DYNC2H1: variants seen among roughly 807,000 people sequenced by gnomAD.
DYNC2H1 encodes dynein cytoplasmic 2 heavy chain 1, also known as cytoplasmic dynein 2 heavy chain 1.
Under a neutral mutation model 570.0 loss-of-function variants are expected in DYNC2H1, and 410 were observed. The observed-to-expected ratio is 0.72, with a 90% CI of 0.66 to 0.78. The LOEUF is 0.78. Ranked by LOEUF, DYNC2H1 falls within the 30% of genes least tolerant of loss-of-function variation. The probability of loss-of-function intolerance (pLI) is 0.00; values close to 1 mark genes in which losing one functional copy is unlikely to be tolerated. For synonymous variants in DYNC2H1, 1,688 were observed against 1,677.6 expected (o/e 1.01, Z -0.15); for missense variants, 4,865 against 5,046.4 (o/e 0.96, Z 1.09).
chr11:103,428,206 T>C, intron 84 of DYNC2H1, among the ~76,000 whole-genome samples: 1 of 117,492 alleles, frequency 8.5e-6, no homozygotes, highest in Non-Finnish European at 1.8e-5. Flanking sequence ...TTTTTCAGAA[T>C]ATCTGAAAGA....
chr11:103,448,484 G>C (rs774819271), intron 85 of DYNC2H1, among the ~76,000 whole-genome samples: 47 of 152,008 alleles, frequency 3.1e-4, no homozygotes, highest in Non-Finnish European at 6.6e-4. Flanking sequence ...AATAAGTAAA[G>C]GTTAAAATAC....
At position 103,189,364 on chromosome 11, in the gene DYNC2H1, A is replaced by C. The variant is rs1037494738; in HGVS notation, c.7293-308A>C. ...CCTGTGTACAGACCTTATGTAACTCAAAAATGCTTTTCAAAAGTAAAATTT... is the reference window on the plus strand; with the variant it reads ...CCTGTGTACAGACCTTATGTAACTCCAAAATGCTTTTCAAAAGTAAAATTT... On this transcript the variant is annotated intron_variant, in intron 44 of 88. Coordinates refer to ENST00000375735, the MANE Select transcript of DYNC2H1 (RefSeq NM_001377.3). The surrounding 1 kb of genome is among the most constrained non-coding windows in gnomAD (Gnocchi z 4.3). 6.6e-6 allele frequency among the ~76,000 whole-genome samples: 1 copy of C among 152,150 alleles called. No homozygotes were observed. The highest frequency in any genetic ancestry group is 6.6e-5 in the Admixed American group (1 of 15,246).
At chr11:103,323,741 G>GTTAA (rs527796380) in intron 81 of DYNC2H1, 145 bp from the exon 82 acceptor site, 143 of 594,398 alleles carry the variant, frequency 2.4e-4, no homozygotes, top group Non-Finnish European at 3.5e-4. Context: ...AGATAACTGA[G>GTTAA]TTAATATCAT....
chr11:103,285,556 G>A (rs897086543), intron 73 of DYNC2H1, among the ~76,000 whole-genome samples: 5 of 150,892 alleles, frequency 3.3e-5, no homozygotes, highest in Admixed American at 6.6e-5. Flanking sequence ...CCGAGTAGCT[G>A]TGATCACAGG....
At chr11:103,142,632 G>A (rs112357153) in intron 17 of DYNC2H1, among the ~76,000 whole-genome samples, 1 of 152,170 alleles carries the variant, frequency 6.6e-6, no homozygotes, top group East Asian at 1.9e-4. Context: ...TCGCACCACT[G>A]TACTCCAGGC....
Position 103,116,680 on chromosome 11 carries a change from T to A in DYNC2H1, c.732T>A (p.Pro244=). 1.2e-6 allele frequency: 2 copies of A among 1,604,536 alleles called. No homozygotes were observed. Among genetic ancestry groups the A allele is most frequent in the Non-Finnish European group, 1.7e-6 (2 of 1,174,770 alleles). Residue 244 remains proline (P), a synonymous_variant, in exon 5 of 89, where the codon CCT becomes CCA. Transcript: ENST00000375735. ...GACAAACAGAACATGATCATTATCCTGAGTCACGAATGTTGCATCTCTTAG... is the reference window on the plus strand; with the variant it reads ...GACAAACAGAACATGATCATTATCCAGAGTCACGAATGTTGCATCTCTTAG... ...VWRQTEHDHY[P]ESRMLHLLDI...
rs1023602632 is a variant in DYNC2H1, at chr11:103,325,365, C to G, written c.12039+1375C>G. ...TAGCTTTTACATTTAAGTCTTTAAT[C>G]CATCTTGAGTTGATTTTTGTATATG... On this transcript the variant is annotated intron_variant, in intron 82 of 88. Transcript: ENST00000375735. The surrounding 1 kb of genome is among the most constrained non-coding windows in gnomAD (Gnocchi z 4.8). 1.3e-5 allele frequency among the ~76,000 whole-genome samples: 2 copies of G among 152,182 alleles called. No homozygotes were observed. The highest frequency in any genetic ancestry group is 4.8e-5 in the African/African-American group (2 of 41,442).
chr11:103,366,048 G>A lies in DYNC2H1; in HGVS notation c.12156+7689G>A, dbSNP rs185913563. Among the ~76,000 whole-genome samples the A allele has an allele frequency of 5.3e-4, 81 of 152,260 alleles. 1 individual carries two copies. The highest frequency in any genetic ancestry group is 1.0e-3 in the Admixed American group (16 of 15,290). ...GTTTAAACTTCCCTTTCTGTAAAAC[G>A]TAGTCATGGAACCAAGGATAATTGA... On this transcript the variant is annotated intron_variant, in intron 83 of 88. Transcript: ENST00000375735.
intron 76 of DYNC2H1, 48 bp from the exon 77 acceptor site, chr11:103,304,545 CAT>C (rs1204833400): frequency 6.3e-7 from 1 of 1,581,090 alleles, no homozygotes; most frequent in Non-Finnish European, 8.6e-7. Flanking sequence ...TATATTACAA[CAT>C]GTTAGCAGAT....
rs1210366126 is a variant in DYNC2H1, at chr11:103,317,378, T to C, written c.11725+758T>C. Among the ~76,000 whole-genome samples the C allele has an allele frequency of 2.6e-5, 4 of 151,952 alleles. No homozygotes were observed. The East Asian group carries it at 5.8e-4, about 22-fold the overall frequency. Reference sequence around the variant, plus strand: ...GAGTCACCTTGGATTCTTTTTTTTTTTCTCATCCTCAGACATCCAGTGCTT... The same window carrying C: ...GAGTCACCTTGGATTCTTTTTTTTTCTCTCATCCTCAGACATCCAGTGCTT... On this transcript the variant is annotated intron_variant, in intron 80 of 88. Transcript: ENST00000375735.
Position 103,204,741 on chromosome 11 carries a change from C to CAAA in DYNC2H1, c.8312-80_8312-79insAAA. On this transcript the variant is annotated intron_variant, in intron 51 of 88. Coordinates refer to ENST00000375735, the MANE Select transcript of DYNC2H1 (RefSeq NM_001377.3). This position sits in a 1 kb window ranked among gnomAD's most constrained non-coding sequence, Gnocchi z 4.1. The stretch of plus-strand genomic sequence containing the variant: ...TTTTAAGAAACAACTCCTACTATTT[C>CAAA]ATTTGAGAAAATTTTGATCTCTTTA... 6 of 1,069,882 alleles carry CAAA rather than the reference C, an allele frequency of 5.6e-6. No homozygotes were observed. In the South Asian group the frequency reaches 1.1e-4, roughly 20 times the overall value. 66.3% of individuals were successfully genotyped at this position (1,069,882 alleles called of 1,614,324 possible).
chr11:103,397,804 A>G (rs1044724668), intron 83 of DYNC2H1, among the ~76,000 whole-genome samples: 1 of 152,198 alleles, frequency 6.6e-6, no homozygotes, highest in African/African-American at 2.4e-5. Flanking sequence ...CTGAGGTGGG[A>G]GGATCACCTG....
At chr11:103,130,174 CG>C (rs986860450) in intron 13 of DYNC2H1, among the ~76,000 whole-genome samples, 55 of 152,066 alleles carry the variant, frequency 3.6e-4, no homozygotes, top group African/African-American at 1.3e-3. Flanking sequence ...AGGTTTTTAT[CG>C]GGGATGGCCA....
In DYNC2H1 at chr11:103,135,843, T is replaced by A; in HGVS notation, c.2469T>A (p.Ser823=). 6.2e-7 allele frequency: 1 copy of A among 1,613,234 alleles called. No individual in the cohort carries two copies. Among genetic ancestry groups the A allele is most frequent in the East Asian group, 2.2e-5 (1 of 44,842 alleles). The part of the protein sequence containing the change: ...FKGVGEAGDE[S]IFSIMIDRNA... ...GAGTGGGTGAGGCAGGAGATGAATC[T>A]ATTTTTTCTATTATGATTGATAGAA... Residue 823 remains serine (S), a synonymous_variant, in exon 17 of 89, where the codon TCT becomes TCA. Transcript: ENST00000375735.
At chr11:103,343,359 T>C (rs1591606863) in intron 82 of DYNC2H1, among the ~76,000 whole-genome samples, 1 of 152,296 alleles carries the variant, frequency 6.6e-6, no homozygotes, top group East Asian at 1.9e-4. Flanking sequence ...CTAGTCTCGC[T>C]TCTAAAAACC....
intron 84 of DYNC2H1, among the ~76,000 whole-genome samples, chr11:103,421,306 T>C (rs1275077924): frequency 1.3e-5 from 2 of 151,684 alleles, no homozygotes; most frequent in Admixed American, 1.3e-4. Context: ...AGGTAGAAAA[T>C]TAACAAAGAT....
At chr11:103,452,020 T>G (rs565147176) in intron 85 of DYNC2H1, among the ~76,000 whole-genome samples, 52 of 152,150 alleles carry the variant, frequency 3.4e-4, no homozygotes, top group Admixed American at 1.0e-3. Flanking sequence ...ATCTCACCCC[T>G]TTTTTTCCTC....
At chr11:103,396,071 A>G (rs891583816) in intron 83 of DYNC2H1, among the ~76,000 whole-genome samples, 14 of 152,220 alleles carry the variant, frequency 9.2e-5, no homozygotes, top group Admixed American at 5.2e-4. Flanking sequence ...TTGAACCAAG[A>G]CATGATCATA....
chr11:103,141,715 G>A (rs1165452241), intron 17 of DYNC2H1, among the ~76,000 whole-genome samples: 3 of 152,208 alleles, frequency 2.0e-5, no homozygotes, highest in East Asian at 1.9e-4. Flanking sequence ...CCAGCTGCAT[G>A]CTGGGAGAAC....
Sources: gnomAD v4.1 joint callset for allele counts (sites outside exome capture counted in the v4.1 genomes callset) on GRCh38, gnomAD v4.1.1 for gene constraint, Gnocchi (gnomAD v3.1) non-coding constraint, MANE v1.5 for transcripts, NCBI Gene and HGNC (gene_info 2026-07-23, HGNC 2026-07-21) for gene names.